The following UNC5D variants were observed in gnomAD, a reference collection of about 807,000 sequenced individuals.
UNC5D encodes netrin receptor UNC5D.
In UNC5D, 39 loss-of-function variants were observed where a neutral mutation model predicts 105.4. That is an observed-to-expected ratio of 0.37 (90% CI 0.29 to 0.48). The LOEUF is 0.48. UNC5D is among the 20% of genes least tolerant of loss of function. The pLI is 0.98. For missense variants in UNC5D, 991 were observed against 1,202.4 expected (o/e 0.82, Z 2.60); for synonymous variants, 452 against 450.4 (o/e 1.00, Z -0.04).
At chr8:35,628,987 C>G (rs1821863796) in intron 4 of UNC5D, among the ~76,000 whole-genome samples, 1 of 152,152 alleles carries the variant, frequency 6.6e-6, no homozygotes, top group African/African-American at 2.4e-5. Flanking sequence ...CTCTGGTGCT[C>G]TTTCCTCTGT....
intron 1 of UNC5D, among the ~76,000 whole-genome samples, chr8:35,249,022 T>C (rs1270083026): frequency 2.4e-5 from 1 of 42,130 alleles, no homozygotes; most frequent in Non-Finnish European, 5.1e-5. Flanking sequence ...ATATATTATA[T>C]ATGTTTATAT....
chr8:35,754,662 G>C (rs1400016306), intron 13 of UNC5D, among the ~76,000 whole-genome samples: 1 of 152,136 alleles, frequency 6.6e-6, no homozygotes, highest in Non-Finnish European at 1.5e-5. Context: ...TATTCCTTGA[G>C]AGAATTTCAG....
chr8:35,442,882 T>C (rs1217109925), intron 1 of UNC5D, among the ~76,000 whole-genome samples: 11 of 132,022 alleles, frequency 8.3e-5, no homozygotes, highest in Admixed American at 3.8e-4. Context: ...TCTCTCTCTC[T>C]GTTTCTCTCT....
chr8:35,731,878 T>C (rs1323026608), intron 11 of UNC5D, among the ~76,000 whole-genome samples: 1 of 152,204 alleles, frequency 6.6e-6, no homozygotes, highest in Non-Finnish European at 1.5e-5. Flanking sequence ...CATCAACTGC[T>C]TTCAGGCCTG....
Position 35,686,651 on chromosome 8 carries a change from A to G in UNC5D, c.1026A>G (p.Lys342=), listed in dbSNP as rs1826029477. The change falls in exon 7 of 17, where the codon AAA becomes AAG. Residue 342 remains lysine, a synonymous_variant. Transcript: ENST00000404895. Reference sequence around the variant, plus strand: ...CACCACCCCCGAGAAATGGGGGCAAATTCTGTGAAGGTCTAAGCCAGGAAT... The same window carrying G: ...CACCACCCCCGAGAAATGGGGGCAAGTTCTGTGAAGGTCTAAGCCAGGAAT... ...CTAPPPRNGG[K]FCEGLSQESE... The G allele has an allele frequency of 6.2e-7, 1 of 1,606,788 alleles. No individual in the cohort carries two copies. Among genetic ancestry groups the G allele is most frequent in the Admixed American group, 1.7e-5 (1 of 57,664 alleles).
chr8:35,247,005 G>A (rs560823440), intron 1 of UNC5D, among the ~76,000 whole-genome samples: 1 of 152,132 alleles, frequency 6.6e-6, no homozygotes, highest in East Asian at 1.9e-4. Context: ...GAGAAAAAAA[G>A]GTGTTGAGGA....
chr8:35,541,981 A>G (rs1815308805), intron 1 of UNC5D, among the ~76,000 whole-genome samples: 1 of 151,758 alleles, frequency 6.6e-6, no homozygotes, highest in Non-Finnish European at 1.5e-5. Context: ...AATGTGTCTT[A>G]AGCACTCTTT....
At chr8:35,723,397 T>G (rs4739423) in intron 9 of UNC5D, among the ~76,000 whole-genome samples, 8,226 of 152,228 alleles carry the variant, frequency 0.054, 463 homozygotes, top group African/African-American at 0.12. Flanking sequence ...TATATGTAGT[T>G]AATTGGAAAT....
chr8:35,300,093 G>A (rs1284089940), intron 1 of UNC5D, among the ~76,000 whole-genome samples: 1 of 152,050 alleles, frequency 6.6e-6, no homozygotes, highest in Non-Finnish European at 1.5e-5. Context: ...GAAGAGGACC[G>A]AGGTAGTAGA....
intron 1 of UNC5D, among the ~76,000 whole-genome samples, chr8:35,411,983 TAAAG>T (rs1361359535): frequency 1.3e-5 from 2 of 152,080 alleles, no homozygotes; most frequent in African/African-American, 2.4e-5. Context: ...GGGAAATCAT[TAAAG>T]AGAGAGGAGT....
intron 1 of UNC5D, among the ~76,000 whole-genome samples, chr8:35,385,462 C>CTTTTTT (rs33929902): frequency 1.2e-5 from 1 of 84,612 alleles, no homozygotes; most frequent in Non-Finnish European, 2.4e-5. Flanking sequence ...CTACCTACCT[C>CTTTTTT]TTTTTTTTTT....
chr8:35,707,350 G>A (rs994274273), intron 8 of UNC5D, among the ~76,000 whole-genome samples: 1 of 152,128 alleles, frequency 6.6e-6, no homozygotes, highest in African/African-American at 2.4e-5. Context: ...TTATTTCCCT[G>A]CTGTCTGCTG....
intron 1 of UNC5D, among the ~76,000 whole-genome samples, chr8:35,439,786 A>G (rs1440240678): frequency 3.3e-5 from 5 of 152,032 alleles, no homozygotes; most frequent in Non-Finnish European, 7.4e-5. Context: ...ATGGAAAGTC[A>G]TCTTCTAAAT....
At chr8:35,463,890 A>G (rs771892574) in intron 1 of UNC5D, among the ~76,000 whole-genome samples, 1 of 152,042 alleles carries the variant, frequency 6.6e-6, no homozygotes, top group African/African-American at 2.4e-5. Context: ...CTCTGAAACC[A>G]TTTGCTTTTT....
chr8:35,612,667 G>T (rs1438578320), intron 4 of UNC5D, among the ~76,000 whole-genome samples: 1 of 135,990 alleles, frequency 7.4e-6, no homozygotes, highest in East Asian at 2.4e-4. Context: ...AGGAACAATA[G>T]AAATCAAAAT....
At chr8:35,759,786 GGTTT>G (rs1172833199) in intron 14 of UNC5D, among the ~76,000 whole-genome samples, 2 of 152,046 alleles carry the variant, frequency 1.3e-5, no homozygotes, top group African/African-American at 4.8e-5. Flanking sequence ...TTTGTGAGTT[GGTTT>G]GTTTTTATTA....
At chr8:35,376,718 A>G (rs1366610070) in intron 1 of UNC5D, among the ~76,000 whole-genome samples, 1 of 152,190 alleles carries the variant, frequency 6.6e-6, no homozygotes, top group Non-Finnish European at 1.5e-5. Context: ...GAATCTATTC[A>G]AAGCCTTCTG....
At chr8:35,306,997 T>C (rs2128875746) in intron 1 of UNC5D, among the ~76,000 whole-genome samples, 1 of 152,234 alleles carries the variant, frequency 6.6e-6, no homozygotes, top group African/African-American at 2.4e-5. Context: ...ATTGTGAAAA[T>C]TACAATGATG....
intron 1 of UNC5D, among the ~76,000 whole-genome samples, chr8:35,273,898 T>C (rs1429692273): frequency 1.3e-5 from 2 of 152,136 alleles, no homozygotes; most frequent in Non-Finnish European, 2.9e-5. Context: ...CTGGGAGAAA[T>C]ACAGGCTTAA....
Sources: gnomAD v4.1 joint callset for allele counts (sites outside exome capture counted in the v4.1 genomes callset) on GRCh38, gnomAD v4.1.1 for gene constraint, MANE v1.5 for transcripts, NCBI Gene and HGNC (gene_info 2026-07-23, HGNC 2026-07-21) for gene names.